Variants in CDKN2AIP observed in about 807,000 individuals in gnomAD.
CDKN2AIP encodes CDKN2A-interacting protein.
In CDKN2AIP, 12 loss-of-function variants were observed where a neutral mutation model predicts 44.1. The observed-to-expected ratio is 0.27, with a 90% CI of 0.17 to 0.44. The LOEUF (loss-of-function observed/expected upper bound fraction) is 0.44, where lower values mean the gene tolerates loss of function less well. Among genes scored for constraint, CDKN2AIP ranks in the 20% least tolerant of loss-of-function variants. CDKN2AIP has a pLI of 1.00. For synonymous variants in CDKN2AIP, 291 were observed against 272.1 expected (o/e 1.07, Z -0.68); for missense variants, 705 against 681.6 (o/e 1.03, Z -0.38).
In CDKN2AIP at chr4:183,448,404, A is replaced by G. The variant is rs1363588978; in HGVS notation, c.*977A>G. Among the ~76,000 whole-genome samples, 5 of 152,106 alleles carry G rather than the reference A, an allele frequency of 3.3e-5. No homozygotes were observed. Among genetic ancestry groups the G allele is most frequent in the Admixed American group, 6.5e-5 (1 of 15,278 alleles). On this transcript the variant is annotated 3_prime_UTR_variant, in exon 3 of 3. Transcript: ENST00000504169. ...AACTGGATGGTTTTTGTGTTTATGCATCTTTTAGAATACCGGAAAGAACAG... is the reference window on the plus strand; with the variant it reads ...AACTGGATGGTTTTTGTGTTTATGCGTCTTTTAGAATACCGGAAAGAACAG...
Position 183,446,701 on chromosome 4 carries a change from A to C in CDKN2AIP, c.1017A>C (p.Ser339=). ...CATCAGTTGCTAAAAACAGTTCCTC[A>C]TCAGGCACATCCTTACTGACTCCCA... The part of the protein sequence containing the change: ...VSSSVAKNSS[S]SGTSLLTPKS... The change falls in exon 3 of 3, where the codon TCA becomes TCC. Residue 339 remains serine, a synonymous_variant. Transcript: ENST00000504169. 1 of 1,614,236 alleles carries C rather than the reference A, an allele frequency of 6.2e-7. No homozygotes were observed. Among genetic ancestry groups the C allele is most frequent in the Non-Finnish European group, 8.5e-7 (1 of 1,180,036 alleles).
Position 183,444,872 on chromosome 4 carries a change from C to G in CDKN2AIP, c.75C>G (p.Asp25Glu). 2.5e-6 allele frequency: 4 copies of G among 1,594,880 alleles called. No individual in the cohort carries two copies. The highest frequency in any genetic ancestry group is 3.4e-6 in the Non-Finnish European group (4 of 1,170,878). Residue 25 changes from aspartate to glutamate, a missense_variant, in exon 1 of 3, where the codon GAC (aspartate) becomes GAG (glutamate). By Grantham distance (45) the Asp-to-Glu change is conservative (BLOSUM62 2). Around this residue, in one of 2 missense-constraint regions of CDKN2AIP, gnomAD observed 592 missense variants for 518.0 expected, o/e 1.14. Transcript: ENST00000504169. ...CCTGGGTGGAGGCGCTGCGCTGCGA[C>G]GGCGAGACTGACAAACACTGGCGCC... Reference protein sequence around the residue: ...VAAWVEALRCDGETDKHWRHR... With the variant: ...VAAWVEALRCEGETDKHWRHR...
chr4:183,446,919 A>G lies in CDKN2AIP; in HGVS notation c.1235A>G (p.Lys412Arg), dbSNP rs753862628. ...ACTAGCACCTCACAGTTGCCTTCTA[A>G]AAGTACTTCACAGTCAAGTGAGAGT... ...SQTSTSQLPS[K>R]STSQSSESSV... The change falls in exon 3 of 3, where the codon AAA (lysine) becomes AGA (arginine). Residue 412 changes from lysine to arginine, a missense_variant. Lys to Arg is a conservative substitution (Grantham distance 26). Around this residue, in one of 2 missense-constraint regions of CDKN2AIP, gnomAD observed 592 missense variants for 518.0 expected, o/e 1.14. Transcript: ENST00000504169. 1.9e-6 allele frequency: 3 copies of G among 1,614,190 alleles called. No individual in the cohort carries two copies. The highest frequency in any genetic ancestry group is 2.5e-6 in the Non-Finnish European group (3 of 1,180,030).
rs750085143 is a variant in CDKN2AIP at position 183,446,453 on chromosome 4, A to T, written c.769A>T (p.Thr257Ser). Residue 257 changes from threonine to serine, a missense_variant, in exon 3 of 3, where the codon ACC becomes TCC. Thr to Ser is a moderately conservative substitution (Grantham distance 58). This residue lies in a region of CDKN2AIP where 592 missense variants were observed against 518.0 expected (regional missense o/e 1.14). Transcript: ENST00000504169. ...GAAATCCAGTGTGAATAGTCACATG[A>T]CCCAATCCACTGATTCTAGACAACA... Reference protein sequence around the residue: ...LLKSSVNSHMTQSTDSRQQSG... With the variant: ...LLKSSVNSHMSQSTDSRQQSG... The T allele has an allele frequency of 1.2e-6, 2 of 1,613,820 alleles. No individual in the cohort carries two copies. Among genetic ancestry groups the T allele is most frequent in the Admixed American group, 1.7e-5 (1 of 60,008 alleles).
At position 183,447,960 on chromosome 4, in the gene CDKN2AIP, A is replaced by G. The variant is rs1733718295; in HGVS notation, c.*533A>G. 6.6e-6 allele frequency: 1 copy of G among 152,220 alleles called. No individual in the cohort carries two copies. Among genetic ancestry groups the G allele is most frequent in the African/African-American group, 2.4e-5 (1 of 41,462 alleles). 9.4% of individuals were successfully genotyped at this position (152,220 alleles called of 1,614,324 possible). On this transcript the variant is annotated 3_prime_UTR_variant, in exon 3 of 3. Coordinates refer to ENST00000504169, the MANE Select transcript of CDKN2AIP (RefSeq NM_017632.4). ...ATGAGAAGTTGTAAGCATTTTTTAGATATAAAGCAGTATAAAGTACTTGTT... is the reference window on the plus strand; with the variant it reads ...ATGAGAAGTTGTAAGCATTTTTTAGGTATAAAGCAGTATAAAGTACTTGTT...
At position 183,444,834 on chromosome 4, in the gene CDKN2AIP, C is replaced by T. The variant is rs1457688744; in HGVS notation, c.37C>T (p.Pro13Ser). The change falls in exon 1 of 3, where the codon CCG (proline) becomes TCG (serine). Residue 13 changes from proline to serine, a missense_variant. Around this residue, in one of 2 missense-constraint regions of CDKN2AIP, gnomAD observed 592 missense variants for 518.0 expected, o/e 1.14. Coordinates refer to ENST00000504169, the MANE Select transcript of CDKN2AIP (RefSeq NM_017632.4). ...QEVSEYLSQN[P>S]RVAAWVEALR... is the part of the protein sequence containing the mutation. ...GGTGTCGGAGTACCTGAGCCAGAAC[C>T]CGCGGGTGGCAGCCTGGGTGGAGGC... The T allele has an allele frequency of 9.0e-6, 14 of 1,560,750 alleles. No individual in the cohort carries two copies. Among genetic ancestry groups the T allele is most frequent in the Non-Finnish European group, 1.1e-5 (13 of 1,151,846 alleles).
At chr4:183,445,155 C>T in intron 1 of CDKN2AIP, 86 bp downstream of exon 1, 2 of 1,472,418 alleles carry the variant, frequency 1.4e-6, no homozygotes, top group South Asian at 1.3e-5. Flanking sequence ...CGGGACCGGC[C>T]TCGGCGGGGA....
rs750968227 is a variant in CDKN2AIP at position 183,447,301 on chromosome 4, G to T, written c.1617G>T (p.Lys539Asn). Residue 539 changes from lysine (K) to asparagine (N), a missense_variant, in exon 3 of 3, where the codon AAG becomes AAT. Physicochemically the swap from Lys to Asn is moderately conservative, Grantham distance 94 (BLOSUM62 0). Transcript: ENST00000504169. ...REALKLFLKK[K>N]VVVKICKRKY... ...CATTGAAGTTATTTCTCAAGAAAAAGGTGGTGGTAAAAATATGTAAAAGGA... is the reference window on the plus strand; with the variant it reads ...CATTGAAGTTATTTCTCAAGAAAAATGTGGTGGTAAAAATATGTAAAAGGA... 6.2e-7 allele frequency: 1 copy of T among 1,612,444 alleles called. No homozygotes were observed. The highest frequency in any genetic ancestry group is 1.1e-5 in the South Asian group (1 of 90,676).
intron 1 of CDKN2AIP, chr4:183,445,333 G>A (rs918660885): frequency 9.7e-6 from 6 of 621,380 alleles, no homozygotes; most frequent in Non-Finnish European, 1.7e-5. Context: ...TTGGGGACGG[G>A]TGCGAGATTT....
At position 183,444,963 on chromosome 4, in the gene CDKN2AIP, A is replaced by G; in HGVS notation, c.166A>G (p.Ser56Gly). Residue 56 changes from serine to glycine, a missense_variant, in exon 1 of 3, where the codon AGC becomes GGC. Physicochemically the swap from Ser to Gly is moderately conservative, Grantham distance 56. Around this residue, in one of 2 missense-constraint regions of CDKN2AIP, gnomAD observed 592 missense variants for 518.0 expected, o/e 1.14. Coordinates refer to ENST00000504169, the MANE Select transcript of CDKN2AIP (RefSeq NM_017632.4). ...LAPAGGAASA[S>G]TDEAADAESG... ...CCCCGCTGGCGGCGCTGCCTCCGCT[A>G]GCACGGATGAAGCTGCCGACGCCGA... 2.5e-6 allele frequency: 4 copies of G among 1,611,164 alleles called. No individual in the cohort carries two copies. The highest frequency in any genetic ancestry group is 3.4e-6 in the Non-Finnish European group (4 of 1,178,626).
chr4:183,447,006 A>T lies in CDKN2AIP; in HGVS notation c.1322A>T (p.Asn441Ile). The change falls in exon 3 of 3, where the codon AAT (asparagine) becomes ATT (isoleucine). Residue 441 changes from asparagine (N) to isoleucine (I), a missense_variant. This residue lies in a region of CDKN2AIP where 113 missense variants were observed against 163.6 expected (regional missense o/e 0.69). Coordinates refer to ENST00000504169, the MANE Select transcript of CDKN2AIP (RefSeq NM_017632.4). ...GTGAAACAGAAGCAACCTTTTTTCA[A>T]TAGACTATATAAAACGGTGGCATGG... ...EDVKQKQPFF[N>I]RLYKTVAWKL... 6.2e-7 allele frequency: 1 copy of T among 1,614,064 alleles called. No individual in the cohort carries two copies. Among genetic ancestry groups the T allele is most frequent in the Non-Finnish European group, 8.5e-7 (1 of 1,179,904 alleles).
chr4:183,445,892 T>C, intron 2 of CDKN2AIP, 196 bp from the exon 3 acceptor site: 1 of 639,792 alleles, frequency 1.6e-6, no homozygotes, highest in Non-Finnish European at 2.7e-6. Context: ...TGTCTGATGC[T>C]GTTATTTTTT....
rs1306586859 is a variant in CDKN2AIP, at chr4:183,447,525, C to T, written c.*98C>T. The T allele has an allele frequency of 1.2e-6, 1 of 852,282 alleles. No homozygotes were observed. The highest frequency in any genetic ancestry group is 1.7e-5 in the African/African-American group (1 of 58,064). The allele number at this position is 852,282 out of a possible 1,614,324, so 52.8% of individuals were successfully genotyped here. A position where few individuals can be genotyped will look rare whatever the true frequency, so the allele number is the denominator to read the frequency against. Reference sequence around the variant, plus strand: ...ACAGGCTTTCACAAATTTTGTATTGCTTTTTTTCCAGTTTTGCAGAAAATT... The same window carrying T: ...ACAGGCTTTCACAAATTTTGTATTGTTTTTTTTCCAGTTTTGCAGAAAATT... On this transcript the variant is annotated 3_prime_UTR_variant, in exon 3 of 3. Transcript: ENST00000504169.
At position 183,444,736 on chromosome 4, in the gene CDKN2AIP, G is replaced by C. The variant is rs947726413; in HGVS notation, c.-62G>C. The C allele has an allele frequency of 7.6e-6, 11 of 1,445,274 alleles. No individual in the cohort carries two copies. The highest frequency in any genetic ancestry group is 1.0e-5 in the Non-Finnish European group (11 of 1,092,704). 89.5% of individuals were successfully genotyped at this position (1,445,274 alleles called of 1,614,324 possible). A position where few individuals can be genotyped will look rare whatever the true frequency, so the allele number is the denominator to read the frequency against. On this transcript the variant is annotated 5_prime_UTR_variant, in exon 1 of 3. Transcript: ENST00000504169. ...GGGTGCAGGCCGCAGTGACAGGGCC[G>C]CTCGCCCCGCTAGTCCTGCCTGTCT...
rs1342705023 is a variant in CDKN2AIP, at chr4:183,448,159, T to C, written c.*732T>C. 6.6e-6 allele frequency: 1 copy of C among 152,236 alleles called. No homozygotes were observed. The highest frequency in any genetic ancestry group is 1.9e-4 in the East Asian group (1 of 5,204). The allele number at this position is 152,236 out of a possible 1,614,324, so 9.4% of individuals were successfully genotyped here. ...ACTACTATTAACAGATTGATTTGTT[T>C]AGATATTAAATGCTTTAAGCTATTT... On this transcript the variant is annotated 3_prime_UTR_variant, in exon 3 of 3. Coordinates refer to ENST00000504169, the MANE Select transcript of CDKN2AIP (RefSeq NM_017632.4).
Position 183,444,730 on chromosome 4 carries a change from A to G in CDKN2AIP, c.-68A>G, listed in dbSNP as rs1414439901. On this transcript the variant is annotated 5_prime_UTR_variant, in exon 1 of 3. Coordinates refer to ENST00000504169, the MANE Select transcript of CDKN2AIP (RefSeq NM_017632.4). ...GGCCGCGGGTGCAGGCCGCAGTGAC[A>G]GGGCCGCTCGCCCCGCTAGTCCTGC... 24 of 1,434,296 alleles carry G rather than the reference A, an allele frequency of 1.7e-5. No individual in the cohort carries two copies. Among genetic ancestry groups the G allele is most frequent in the South Asian group, 1.2e-4 (8 of 69,464 alleles). 88.8% of individuals were successfully genotyped at this position (1,434,296 alleles called of 1,614,324 possible).
At chr4:183,445,492 T>G in intron 1 of CDKN2AIP, 43 bp from the exon 2 acceptor site, 1 of 1,538,124 alleles carries the variant, frequency 6.5e-7, no homozygotes, top group Non-Finnish European at 9.0e-7. Context: ...AGTAGGACCT[T>G]AGAAAAAACA....
chr4:183,446,154 A>G lies in CDKN2AIP; in HGVS notation c.470A>G (p.Asp157Gly). 1.2e-6 allele frequency: 2 copies of G among 1,614,078 alleles called. No homozygotes were observed. Among genetic ancestry groups the G allele is most frequent in the South Asian group, 1.1e-5 (1 of 91,086 alleles). The change falls in exon 3 of 3, where the codon GAT becomes GGT. Residue 157 changes from aspartate (D) to glycine (G), a missense_variant. This residue lies in a region of CDKN2AIP where 592 missense variants were observed against 518.0 expected (regional missense o/e 1.14). Coordinates refer to ENST00000504169, the MANE Select transcript of CDKN2AIP (RefSeq NM_017632.4). ...EGKNSSAVEQ[D>G]HAKTSAKTER... ...AAAAACAGTTCTGCAGTTGAGCAAG[A>G]TCACGCAAAAACCTCTGCCAAGACA...
At chr4:183,445,121 C>T (rs1560947586) in intron 1 of CDKN2AIP, 52 bp downstream of exon 1, 1 of 1,520,206 alleles carries the variant, frequency 6.6e-7, no homozygotes. Flanking sequence ...GTGCCACCTG[C>T]AGACCGGGGC....
Sources: gnomAD v4.1 joint callset for allele counts (sites outside exome capture counted in the v4.1 genomes callset) on GRCh38, gnomAD v4.1.1 for gene constraint, gnomAD v4.1.1 regional missense constraint, MANE v1.5 for transcripts, NCBI Gene and HGNC (gene_info 2026-07-23, HGNC 2026-07-21) for gene names.